The following CNTN1 variants were observed in gnomAD, a reference collection of about 807,000 sequenced individuals.
CNTN1 encodes contactin-1.
A neutral mutation model predicts 126.4 loss-of-function variants in CNTN1; 38 were observed. The ratio of observed to expected loss-of-function variants is 0.30; its 90% CI spans 0.23 to 0.39. CNTN1 has a LOEUF of 0.39. Among genes scored for constraint, CNTN1 ranks in the 10% least tolerant of loss-of-function variants. The pLI is 1.00. For missense variants in CNTN1, 1,009 were observed against 1,248.4 expected, an observed-to-expected ratio of 0.81 and a Z score of 2.89; for synonymous variants, 413 against 422.6, an observed-to-expected ratio of 0.98 and a Z score of 0.28.
intron 1 of CNTN1, among the ~76,000 whole-genome samples, chr12:40,878,014 T>TTTTTTTTTTTTA (rs869188683): frequency 1.2e-5 from 1 of 86,040 alleles, no homozygotes; most frequent in Non-Finnish European, 2.9e-5. Flanking sequence ...TTTTTTTTTT[T>TTTTTTTTTTTTA]GAGATAGAGT....
intron 1 of CNTN1, among the ~76,000 whole-genome samples, chr12:40,789,820 A>T (rs1352719067): frequency 6.6e-6 from 1 of 152,068 alleles, no homozygotes; most frequent in African/African-American, 2.4e-5. Context: ...GTTATACCAA[A>T]TTTTTTCTAT....
At chr12:40,781,903 AT>A (rs1311381699) in intron 1 of CNTN1, among the ~76,000 whole-genome samples, 4 of 151,978 alleles carry the variant, frequency 2.6e-5, no homozygotes, top group Non-Finnish European at 5.9e-5. Flanking sequence ...TTAGAATACA[AT>A]GTTAATTATC....
intron 1 of CNTN1, among the ~76,000 whole-genome samples, chr12:40,811,397 G>A (rs1941055008): frequency 6.6e-6 from 1 of 152,116 alleles, no homozygotes; most frequent in African/African-American, 2.4e-5. Context: ...TCTGGCTTTG[G>A]TATAAGGATA....
intron 1 of CNTN1, among the ~76,000 whole-genome samples, chr12:40,829,911 C>T (rs35527386): frequency 0.016 from 2,411 of 152,160 alleles, 44 homozygotes; most frequent in Non-Finnish European, 0.022. Flanking sequence ...ATATTTATTG[C>T]CTAATGACAC....
At chr12:40,852,680 C>T (rs141201608) in intron 1 of CNTN1, among the ~76,000 whole-genome samples, 34 of 152,042 alleles carry the variant, frequency 2.2e-4, no homozygotes, top group Non-Finnish European at 4.1e-4. Context: ...ACAATATTTG[C>T]GTTCCATCAC....
intron 16 of CNTN1, among the ~76,000 whole-genome samples, chr12:40,991,717 A>G (rs1948099932): frequency 6.6e-6 from 1 of 152,162 alleles, no homozygotes; most frequent in Non-Finnish European, 1.5e-5. Context: ...AGTCCCAGCT[A>G]CTCGGGAGGC....
intron 1 of CNTN1, among the ~76,000 whole-genome samples, chr12:40,778,437 A>G (rs1939671557): frequency 6.6e-6 from 1 of 151,814 alleles, no homozygotes; most frequent in African/African-American, 2.4e-5. Context: ...AGAACAAAGT[A>G]TTTATCTGGC....
At chr12:40,920,919 A>C (rs1367742572) in intron 4 of CNTN1, among the ~76,000 whole-genome samples, 1 of 152,196 alleles carries the variant, frequency 6.6e-6, no homozygotes, top group African/African-American at 2.4e-5. Flanking sequence ...ATCCATGTGG[A>C]GGAAGGTAAG....
intron 2 of CNTN1, among the ~76,000 whole-genome samples, chr12:40,909,563 G>T (rs904046361): frequency 2.6e-5 from 4 of 151,410 alleles, no homozygotes; most frequent in Non-Finnish European, 4.4e-5. Context: ...TCATTATTAA[G>T]AACATAAAAA....
At chr12:40,869,157 T>C (rs1298261052) in intron 1 of CNTN1, among the ~76,000 whole-genome samples, 1 of 151,708 alleles carries the variant, frequency 6.6e-6, no homozygotes, top group Non-Finnish European at 1.5e-5. Context: ...ATTTAAGTGA[T>C]ATACAATAAT....
chr12:41,046,847 C>CTTTTTTTTTTTTTTTTTTTT (rs56655599), intron 23 of CNTN1, among the ~76,000 whole-genome samples: 2 of 118,992 alleles, frequency 1.7e-5, no homozygotes, highest in African/African-American at 3.3e-5. Context: ...TTGCTTATTT[C>CTTTTTTTTTTTTTTTTTTTT]TTTTTTTTTT....
chr12:40,766,496 A>C (rs996180748), intron 1 of CNTN1, among the ~76,000 whole-genome samples: 1 of 152,182 alleles, frequency 6.6e-6, no homozygotes, highest in Non-Finnish European at 1.5e-5. Context: ...ATAATTAGAA[A>C]TGTGTGTATG....
At chr12:41,021,101 A>G (rs1592416452) in intron 20 of CNTN1, among the ~76,000 whole-genome samples, 1 of 152,342 alleles carries the variant, frequency 6.6e-6, no homozygotes, top group East Asian at 1.9e-4. Context: ...TGAAATCATC[A>G]TCTCACATTT....
chr12:41,032,323 G>A lies in CNTN1; in HGVS notation c.2980+3104G>A, dbSNP rs373757257. 8.7e-4 allele frequency among the ~76,000 whole-genome samples: 129 copies of A among 148,600 alleles called. 1 individual carries two copies. The highest frequency in any genetic ancestry group is 2.9e-3 in the African/African-American group (116 of 40,082). ...GTGGTGCTTGCAGTGAGCCGAAATC[G>A]CGCCACTGCACTCCAGCCTGGGCGA... On this transcript the variant is annotated intron_variant, in intron 23 of 23. Coordinates refer to ENST00000551295, the MANE Select transcript of CNTN1 (RefSeq NM_001843.4).
At chr12:40,710,468 T>C (rs1169812062) in intron 1 of CNTN1, among the ~76,000 whole-genome samples, 1 of 152,148 alleles carries the variant, frequency 6.6e-6, no homozygotes, top group Non-Finnish European at 1.5e-5. Flanking sequence ...TACCAAACGA[T>C]GACACAGAGA....
At chr12:41,016,983 G>A (rs996043313) in intron 19 of CNTN1, 67 bp downstream of exon 19, 3 of 1,356,736 alleles carry the variant, frequency 2.2e-6, no homozygotes, top group Non-Finnish European at 2.1e-6. Context: ...CAGGCATTTA[G>A]TTTGTTTCCT....
intron 23 of CNTN1, among the ~76,000 whole-genome samples, chr12:41,064,980 T>C (rs1353946243): frequency 1.3e-5 from 2 of 152,238 alleles, no homozygotes; most frequent in African/African-American, 2.4e-5. Flanking sequence ...AACGTCTGAC[T>C]CAGCTGCCAT....
chr12:40,946,017 C>A (rs1485809140), intron 14 of CNTN1, among the ~76,000 whole-genome samples: 2 of 152,082 alleles, frequency 1.3e-5, no homozygotes. Flanking sequence ...ATATCAAATG[C>A]ACATGTTTAG....
intron 1 of CNTN1, among the ~76,000 whole-genome samples, chr12:40,759,029 A>C (rs1368529709): frequency 1.3e-5 from 2 of 151,958 alleles, no homozygotes; most frequent in African/African-American, 4.8e-5. Flanking sequence ...TCGGCCTCCC[A>C]AGTAGCTGGG....
Sources: allele counts gnomAD v4.1 joint callset (sites outside exome capture counted in the v4.1 genomes callset), GRCh38; gene constraint gnomAD v4.1.1; transcripts MANE v1.5; gene names NCBI Gene and HGNC (gene_info 2026-07-23, HGNC 2026-07-21).